SLCO1A2: variants seen among roughly 807,000 people sequenced by gnomAD.
The protein encoded by SLCO1A2 is solute carrier organic anion transporter family member 1A2, also known as OATP-1.
In SLCO1A2, 67 loss-of-function variants were observed where a neutral mutation model predicts 69.0. That is an observed-to-expected ratio of 0.97 (90% CI 0.80 to 1.19). The LOEUF (loss-of-function observed/expected upper bound fraction) is 1.19. SLCO1A2 is among the 50% of genes most tolerant of loss of function. SLCO1A2 has a pLI of 0.00. For missense variants in SLCO1A2, 787 were observed against 793.7 expected, an observed-to-expected ratio of 0.99 and a Z score of 0.10; for synonymous variants, 260 against 265.9, an observed-to-expected ratio of 0.98 and a Z score of 0.22.
chr12:21,354,874 G>T (rs1051878459), intron 2 of SLCO1A2: 1 of 151,976 alleles, frequency 6.6e-6, no homozygotes, highest in African/African-American at 2.4e-5. Context: ...TATGACTCAT[G>T]AATTCTGATG....
intron 1 of SLCO1A2, among the ~76,000 whole-genome samples, chr12:21,382,975 G>A (rs1215969054): frequency 2.0e-5 from 3 of 151,996 alleles, no homozygotes; most frequent in Non-Finnish European, 4.4e-5. Context: ...CTCCCACTTT[G>A]CACTGTGTTT....
intron 2 of SLCO1A2, among the ~76,000 whole-genome samples, chr12:21,325,879 A>T (rs1183040753): frequency 6.6e-6 from 1 of 152,138 alleles, no homozygotes; most frequent in East Asian, 1.9e-4. Flanking sequence ...AGCAAATTTG[A>T]TCAGTCTGTG....
At chr12:21,324,342 C>T (rs1043317674) in intron 2 of SLCO1A2, among the ~76,000 whole-genome samples, 1 of 152,118 alleles carries the variant, frequency 6.6e-6, no homozygotes, top group African/African-American at 2.4e-5. Flanking sequence ...TATAGTAAGA[C>T]CAGTTTGTGT....
chr12:21,300,072 A>G (rs113781670), intron 8 of SLCO1A2, among the ~76,000 whole-genome samples: 2,318 of 148,944 alleles, frequency 0.016, 54 homozygotes, highest in African/African-American at 0.054. Flanking sequence ...ATGTGTGTGT[A>G]TATATATATG....
chr12:21,266,818 A>G lies in SLCO1A2; in HGVS notation c.*2730T>C, dbSNP rs531908818. On this transcript the variant is annotated 3_prime_UTR_variant, in exon 15 of 15. Transcript: ENST00000683939. ...ATAAAAAATTAATTAAAATAAAACC[A>G]TAGGTGGATTCACAAAGAAACTGTG... 5.9e-5 allele frequency: 9 copies of G among 152,238 alleles called. No homozygotes were observed. The highest frequency in any genetic ancestry group is 2.1e-4 in the South Asian group (1 of 4,824). 9.4% of individuals were successfully genotyped at this position (152,238 alleles called of 1,614,324 possible).
rs1005055125 is a variant in SLCO1A2 at position 21,272,563 on chromosome 12, T to C, written c.1793+1906A>G. On this transcript the variant is annotated intron_variant, in intron 14 of 14. Transcript: ENST00000683939. ...TATTAATTTTTTCCCTTTAACTTAC[T>C]TATATTTTGTTGAAATCATTAATAT... is the stretch of plus-strand genomic sequence containing the variant. Among the ~76,000 whole-genome samples, 4 of 152,072 alleles carry C rather than the reference T, an allele frequency of 2.6e-5. 1 individual carries two copies. The highest frequency in any genetic ancestry group is 9.7e-5 in the African/African-American group (4 of 41,440).
At chr12:21,348,791 A>T (rs1937698687) in intron 2 of SLCO1A2, among the ~76,000 whole-genome samples, 1 of 152,166 alleles carries the variant, frequency 6.6e-6, no homozygotes, top group East Asian at 1.9e-4. Context: ...TCCATGGAGC[A>T]CAGGGGATTT....
At chr12:21,304,675 G>T in intron 5 of SLCO1A2, 102 bp from the exon 6 acceptor site, 2 of 1,084,180 alleles carry the variant, frequency 1.8e-6, no homozygotes, top group Non-Finnish European at 2.7e-6. Context: ...ATATGACCAT[G>T]GCCCCTTGTC....
At chr12:21,401,506 A>G (rs1941704004) in intron 1 of SLCO1A2, among the ~76,000 whole-genome samples, 1 of 151,924 alleles carries the variant, frequency 6.6e-6, no homozygotes, top group South Asian at 2.1e-4. Context: ...CCATAATATT[A>G]TTAAAACCTT....
At chr12:21,287,184 T>A in intron 12 of SLCO1A2, among the ~76,000 whole-genome samples, 1 of 138,788 alleles carries the variant, frequency 7.2e-6, no homozygotes, top group African/African-American at 2.8e-5. Flanking sequence ...AACAACCCCA[T>A]CAAAAAGTGG....
At chr12:21,294,803 A>G (rs1232378793) in intron 10 of SLCO1A2, 2 of 152,218 alleles carry the variant, frequency 1.3e-5, no homozygotes, top group African/African-American at 2.4e-5. Flanking sequence ...CTGAATCTCA[A>G]TTTAATCTGT....
In SLCO1A2 at chr12:21,409,927, C is replaced by T. The variant is rs559658936; in HGVS notation, c.-312+7955G>A. 4.6e-5 allele frequency among the ~76,000 whole-genome samples: 7 copies of T among 152,208 alleles called. No individual in the cohort carries two copies. The South Asian group carries it at 1.0e-3, about 23-fold the overall frequency. ...GGTGTCCCATACATTTTTTCCTGTGCTCTATTTTTTTGTGCTCTATTTTTA... is the reference window on the plus strand; with the variant it reads ...GGTGTCCCATACATTTTTTCCTGTGTTCTATTTTTTTGTGCTCTATTTTTA... On this transcript the variant is annotated intron_variant, in intron 1 of 4. Transcript: ENST00000413682.
chr12:21,294,092 A>G lies in SLCO1A2; in HGVS notation c.1290T>C (p.Tyr430=). 6.3e-7 allele frequency: 1 copy of G among 1,596,244 alleles called. No homozygotes were observed. Among genetic ancestry groups the G allele is most frequent in the Non-Finnish European group, 8.5e-7 (1 of 1,172,390 alleles). Residue 430 remains tyrosine, a synonymous_variant, in exon 11 of 15, where the codon TAT becomes TAC. Transcript: ENST00000683939. ...AATCAGCAAAGATGTCATTTTCCACATATAAATCTTGTGGAATTCTGAAGT... is the reference window on the plus strand; with the variant it reads ...AATCAGCAAAGATGTCATTTTCCACGTATAAATCTTGTGGAATTCTGAAGT... ...TSYEGIPQDL[Y]VENDIFADCN...
At chr12:21,282,129 A>AAAAGG (rs1393722076) in intron 12 of SLCO1A2, among the ~76,000 whole-genome samples, 3 of 151,916 alleles carry the variant, frequency 2.0e-5, no homozygotes, top group African/African-American at 7.2e-5. Flanking sequence ...GAAAAAAAAA[A>AAAAGG]AAAAGGAAAA....
At chr12:21,367,837 ATAAAG>A in intron 2 of SLCO1A2, among the ~76,000 whole-genome samples, 1 of 152,102 alleles carries the variant, frequency 6.6e-6, no homozygotes. Context: ...CAAAATACAT[ATAAAG>A]TATATTTCAA....
intron 3 of SLCO1A2, among the ~76,000 whole-genome samples, chr12:21,317,683 A>G (rs558100428): frequency 6.6e-6 from 1 of 152,304 alleles, no homozygotes; most frequent in Non-Finnish European, 1.5e-5. Context: ...GGAGTTGAAC[A>G]CTAGTAGACA....
At chr12:21,289,379 G>A (rs1210082512) in intron 12 of SLCO1A2, among the ~76,000 whole-genome samples, 2 of 152,110 alleles carry the variant, frequency 1.3e-5, no homozygotes, top group African/African-American at 4.8e-5. Context: ...CTATAGTAAT[G>A]AGACGACAGG....
chr12:21,266,116 C>T lies in SLCO1A2; in HGVS notation c.*3432G>A, dbSNP rs1250564870. 2.0e-4 allele frequency: 30 copies of T among 152,126 alleles called. No individual in the cohort carries two copies. The highest frequency in any genetic ancestry group is 4.0e-4 in the Non-Finnish European group (27 of 68,028). The allele number at this position is 152,126 out of a possible 1,614,324, so 9.4% of individuals were successfully genotyped here. On this transcript the variant is annotated 3_prime_UTR_variant, in exon 15 of 15. Transcript: ENST00000683939. ...TGCATGAGAGGACCCACAAAGAGGA[C>T]GTTCACCTATGAATCAGCCAGTATC...
intron 2 of SLCO1A2, among the ~76,000 whole-genome samples, chr12:21,369,553 G>A (rs574845978): frequency 1.1e-4 from 16 of 152,264 alleles, no homozygotes; most frequent in African/African-American, 2.2e-4. Flanking sequence ...GATAACCACC[G>A]TAGAGGTGTG....
Sources: gnomAD v4.1 joint callset for allele counts (sites outside exome capture counted in the v4.1 genomes callset) on GRCh38, gnomAD v4.1.1 for gene constraint, MANE v1.5 for transcripts, NCBI Gene and HGNC (gene_info 2026-07-23, HGNC 2026-07-21) for gene names.